FOXP1: variants seen among roughly 807,000 people sequenced by gnomAD.
FOXP1 encodes the protein forkhead box P1, also known as forkhead box protein P1.
FOXP1 carries 15 observed loss-of-function variants against 98.2 expected under a neutral mutation model. That is an observed-to-expected ratio of 0.15 (90% CI 0.10 to 0.24). The LOEUF (loss-of-function observed/expected upper bound fraction) is 0.24, where lower values mean the gene tolerates loss of function less well. Ranked by LOEUF, FOXP1 falls within the 10% of genes least tolerant of loss-of-function variation. The pLI is 1.00. For synonymous variants in FOXP1, 371 were observed against 314.5 expected (o/e 1.18, Z -1.90); for missense variants, 633 against 848.5 (o/e 0.75, Z 3.15).
chr3:71,449,983 A>G (rs893706992), intron 3 of FOXP1, among the ~76,000 whole-genome samples: 5 of 152,232 alleles, frequency 3.3e-5, no homozygotes, highest in Non-Finnish European at 7.3e-5. Flanking sequence ...CAACATGTCT[A>G]CGAATTGAGC....
intron 2 of FOXP1, among the ~76,000 whole-genome samples, chr3:71,537,438 A>C (rs914964048): frequency 6.6e-6 from 1 of 152,250 alleles, no homozygotes; most frequent in Non-Finnish European, 1.5e-5. Context: ...TGTGCATTCC[A>C]GAATGAATGG....
intron 4 of FOXP1, chr3:71,334,980 A>G (rs1215192912): frequency 2.0e-5 from 3 of 152,220 alleles, no homozygotes; most frequent in African/African-American, 7.2e-5. Context: ...AAAATAATGC[A>G]AAGAGTGAGT....
At chr3:71,211,230 G>T (rs185854208) in intron 5 of FOXP1, among the ~76,000 whole-genome samples, 38 of 152,072 alleles carry the variant, frequency 2.5e-4, no homozygotes, top group African/African-American at 8.7e-4. Context: ...TTTTGAGATG[G>T]GAGTCTTGCT....
intron 3 of FOXP1, among the ~76,000 whole-genome samples, chr3:71,389,400 G>A (rs1412349832): frequency 2.0e-5 from 3 of 152,128 alleles, no homozygotes; most frequent in Admixed American, 6.5e-5. Context: ...ATCTCGATAG[G>A]TAGCAGGTTT....
At chr3:71,068,920 C>T (rs753959909) in intron 7 of FOXP1, among the ~76,000 whole-genome samples, 29 of 152,196 alleles carry the variant, frequency 1.9e-4, no homozygotes, top group Non-Finnish European at 3.5e-4. Context: ...CAGCAATGCC[C>T]CATTCCTGAG....
intron 2 of FOXP1, among the ~76,000 whole-genome samples, chr3:71,579,632 C>CTTTTT (rs35646548): frequency 3.3e-5 from 4 of 122,996 alleles, no homozygotes; most frequent in Non-Finnish European, 6.6e-5. Context: ...TTTCTTTTTT[C>CTTTTT]TTTTTTTTTT....
At chr3:71,496,593 G>A (rs1388774008) in intron 2 of FOXP1, among the ~76,000 whole-genome samples, 4 of 152,220 alleles carry the variant, frequency 2.6e-5, no homozygotes, top group South Asian at 2.1e-4. Flanking sequence ...AGGCCGAGGC[G>A]GGCGGATCAC....
At chr3:71,198,122 G>A in intron 6 of FOXP1, 80 bp downstream of exon 6, 4 of 1,612,954 alleles carry the variant, frequency 2.5e-6, no homozygotes, top group Middle Eastern at 1.7e-4. Flanking sequence ...CACTGATCGC[G>A]AGATCGCGAT....
intron 5 of FOXP1, among the ~76,000 whole-genome samples, 153 bp downstream of exon 5, chr3:71,299,667 T>C (rs532579473): frequency 2.0e-5 from 3 of 152,256 alleles, no homozygotes; most frequent in Non-Finnish European, 4.4e-5. Context: ...CCATTTTTCT[T>C]AGGACCTCCA....
At chr3:70,987,312 C>T (rs1483839588) in intron 14 of FOXP1, among the ~76,000 whole-genome samples, 3 of 152,168 alleles carry the variant, frequency 2.0e-5, no homozygotes, top group Non-Finnish European at 4.4e-5. Flanking sequence ...CCTTCTGCTT[C>T]GGTATTAACA....
At chr3:71,423,897 C>A (rs989615412) in intron 3 of FOXP1, among the ~76,000 whole-genome samples, 2 of 152,154 alleles carry the variant, frequency 1.3e-5, no homozygotes, top group East Asian at 3.8e-4. Flanking sequence ...TAAATATACC[C>A]GCAAGTCCAT....
At chr3:71,443,927 C>T (rs1411364205) in intron 3 of FOXP1, among the ~76,000 whole-genome samples, 2 of 152,114 alleles carry the variant, frequency 1.3e-5, no homozygotes, top group East Asian at 1.9e-4. Context: ...CTATGAGACC[C>T]CCAAAGGCAA....
chr3:71,298,323 G>C (rs778059410), intron 5 of FOXP1, among the ~76,000 whole-genome samples: 2 of 152,042 alleles, frequency 1.3e-5, no homozygotes, highest in African/African-American at 2.4e-5. Flanking sequence ...AAATTAGCTG[G>C]GTATGATGGC....
chr3:71,389,250 GGGCCGGGGGGGGC>G (rs1560413190), intron 3 of FOXP1, among the ~76,000 whole-genome samples: 2 of 53,258 alleles, frequency 3.8e-5, no homozygotes, highest in Non-Finnish European at 7.4e-5. Context: ...GGGGGGGGGG[GGGCCGGGGGGGGC>G]GGGTTATAAA....
chr3:70,998,981 T>C lies in FOXP1; in HGVS notation c.1062+1991A>G, dbSNP rs2041765625. Among the ~76,000 whole-genome samples, 3 of 152,364 alleles carry C rather than the reference T, an allele frequency of 2.0e-5. No individual in the cohort carries two copies. In the South Asian group the frequency reaches 6.2e-4, roughly 32 times the overall value. ...CATGACAATTCTAGTCAACGATTTA[T>C]TTTAGCCCATCATTAAGAATTTAAT... On this transcript the variant is annotated intron_variant, in intron 13 of 20. Coordinates refer to ENST00000649528, the MANE Select transcript of FOXP1 (RefSeq NM_001349338.3).
At chr3:71,353,260 T>C (rs559419339) in intron 4 of FOXP1, among the ~76,000 whole-genome samples, 4 of 152,342 alleles carry the variant, frequency 2.6e-5, no homozygotes, top group Non-Finnish European at 5.9e-5. Context: ...CACCAGGGTA[T>C]TGAGAAGAGG....
intron 3 of FOXP1, among the ~76,000 whole-genome samples, chr3:71,488,633 C>T (rs1253212395): frequency 6.6e-6 from 1 of 152,192 alleles, no homozygotes; most frequent in Admixed American, 6.5e-5. Context: ...AATATTTAGC[C>T]AATTACATTA....
intron 12 of FOXP1, among the ~76,000 whole-genome samples, chr3:71,012,168 A>T (rs1339579176): frequency 2.0e-5 from 3 of 152,210 alleles, no homozygotes; most frequent in Non-Finnish European, 4.4e-5. Flanking sequence ...TATAACAATA[A>T]ATCATATTTA....
chr3:71,416,586 A>ACG (rs1327389492), intron 3 of FOXP1, among the ~76,000 whole-genome samples: 215 of 147,088 alleles, frequency 1.5e-3, no homozygotes, highest in African/African-American at 5.2e-3. Context: ...ACACACACAC[A>ACG]CACACACGCA....
Sources: gnomAD v4.1 joint callset for allele counts (sites outside exome capture counted in the v4.1 genomes callset) on GRCh38, gnomAD v4.1.1 for gene constraint, MANE v1.5 for transcripts, NCBI Gene and HGNC (gene_info 2026-07-23, HGNC 2026-07-21) for gene names.